Variants in RARB observed in about 807,000 individuals in gnomAD.
The protein encoded by RARB is retinoic acid receptor beta.
RARB carries 17 observed loss-of-function variants against 51.9 expected under a neutral mutation model. The observed-to-expected ratio is 0.33, with a 90% CI of 0.22 to 0.49. The LOEUF (loss-of-function observed/expected upper bound fraction) is 0.49. Ranked by LOEUF, RARB falls within the 20% of genes least tolerant of loss-of-function variation. The pLI, the probability that RARB is intolerant of heterozygous loss-of-function variation, is 0.99. For synonymous variants in RARB, 215 were observed against 195.4 expected (o/e 1.10, Z -0.84); for missense variants, 369 against 550.8 (o/e 0.67, Z 3.30).
chr3:25,521,797 A>G (rs1389596809), intron 3 of RARB, among the ~76,000 whole-genome samples: 2 of 152,152 alleles, frequency 1.3e-5, no homozygotes, highest in Admixed American at 6.5e-5. Context: ...ACATCACACA[A>G]TCTGAGACAA....
At chr3:24,903,854 C>T (rs1304908700) in intron 2 of RARB, among the ~76,000 whole-genome samples, 2 of 152,140 alleles carry the variant, frequency 1.3e-5, no homozygotes, top group Non-Finnish European at 2.9e-5. Context: ...ACAAAAACTT[C>T]ATTGCTATAA....
intron 5 of RARB, among the ~76,000 whole-genome samples, chr3:25,351,847 G>C (rs1404016206): frequency 6.6e-6 from 1 of 152,124 alleles, no homozygotes; most frequent in Non-Finnish European, 1.5e-5. Context: ...CTGGCTAAGA[G>C]TGTTCCCCAA....
chr3:25,112,967 G>C (rs949577145), intron 3 of RARB, among the ~76,000 whole-genome samples: 14 of 152,108 alleles, frequency 9.2e-5, no homozygotes, highest in African/African-American at 3.4e-4. Flanking sequence ...ATTTAGTATA[G>C]ATCTGATTTT....
intron 3 of RARB, among the ~76,000 whole-genome samples, chr3:25,085,277 A>C (rs2125314604): frequency 6.6e-6 from 1 of 152,324 alleles, no homozygotes; most frequent in South Asian, 2.1e-4. Context: ...AAATGGTAAC[A>C]CATCCTACAT....
At chr3:24,978,786 T>C (rs1228723103) in intron 2 of RARB, among the ~76,000 whole-genome samples, 1 of 152,170 alleles carries the variant, frequency 6.6e-6, no homozygotes, top group Non-Finnish European at 1.5e-5. Flanking sequence ...TTTCTTATCT[T>C]CTGCTAGCTT....
At chr3:25,405,724 G>A (rs1707388406) in intron 5 of RARB, among the ~76,000 whole-genome samples, 1 of 152,226 alleles carries the variant, frequency 6.6e-6, no homozygotes, top group Admixed American at 6.5e-5. Context: ...AGCTGCATGT[G>A]GCTAATGATG....
intron 3 of RARB, among the ~76,000 whole-genome samples, chr3:25,551,050 G>T (rs1197372128): frequency 6.6e-6 from 1 of 152,174 alleles, no homozygotes; most frequent in Admixed American, 6.5e-5. Flanking sequence ...GTTTTAAGGG[G>T]TTAAGAAGGA....
intron 5 of RARB, among the ~76,000 whole-genome samples, chr3:25,582,813 T>C (rs1213573205): frequency 2.0e-5 from 3 of 152,194 alleles, no homozygotes; most frequent in African/African-American, 4.8e-5. Flanking sequence ...CTTGGTGAAG[T>C]TATTTAACTT....
At chr3:24,907,974 C>G (rs956359992) in intron 2 of RARB, among the ~76,000 whole-genome samples, 32 of 152,090 alleles carry the variant, frequency 2.1e-4, no homozygotes, top group African/African-American at 7.7e-4. Flanking sequence ...AATTCTAAAT[C>G]TTACTGGTTA....
At chr3:25,456,055 A>G (rs1215767430) in intron 1 of RARB, among the ~76,000 whole-genome samples, 1 of 152,214 alleles carries the variant, frequency 6.6e-6, no homozygotes, top group Non-Finnish European at 1.5e-5. Flanking sequence ...TGAATGAGCT[A>G]ATACAGAACA....
At chr3:25,516,818 G>A (rs937535989) in intron 3 of RARB, among the ~76,000 whole-genome samples, 1 of 151,902 alleles carries the variant, frequency 6.6e-6, no homozygotes, top group Admixed American at 6.6e-5. Flanking sequence ...GCAGAAATAG[G>A]GTTTTGCCAT....
chr3:25,433,053 C>T (rs1251044941), intron 1 of RARB, among the ~76,000 whole-genome samples: 10 of 152,142 alleles, frequency 6.6e-5, no homozygotes, highest in African/African-American at 2.2e-4. Flanking sequence ...ATTCAGTTAA[C>T]TATCAATTAA....
At chr3:24,948,838 C>T (rs1695829337) in intron 2 of RARB, among the ~76,000 whole-genome samples, 6 of 152,180 alleles carry the variant, frequency 3.9e-5, no homozygotes, top group Admixed American at 3.9e-4. Context: ...TGCCTGCTCC[C>T]TTTTGCTTTC....
chr3:25,494,687 G>A (rs1485469564), intron 2 of RARB, among the ~76,000 whole-genome samples: 1 of 152,120 alleles, frequency 6.6e-6, no homozygotes, highest in Non-Finnish European at 1.5e-5. Context: ...AATTGGCATC[G>A]AGTGAATGTA....
intron 5 of RARB, among the ~76,000 whole-genome samples, chr3:25,248,851 T>G (rs1559330954): frequency 6.6e-6 from 1 of 152,202 alleles, no homozygotes; most frequent in East Asian, 1.9e-4. Flanking sequence ...TTCTTTATCT[T>G]GCTGTTGTTT....
At chr3:25,029,169 G>A (rs1449909270) in intron 2 of RARB, among the ~76,000 whole-genome samples, 1 of 152,180 alleles carries the variant, frequency 6.6e-6, no homozygotes, top group Non-Finnish European at 1.5e-5. Flanking sequence ...GACAAGTTCT[G>A]CATTTTAGAG....
intron 5 of RARB, among the ~76,000 whole-genome samples, chr3:25,290,074 C>A (rs1703748865): frequency 6.6e-6 from 1 of 152,100 alleles, no homozygotes; most frequent in Admixed American, 6.5e-5. Context: ...GAGAATGCTC[C>A]CCTTTTCTTT....
intron 5 of RARB, among the ~76,000 whole-genome samples, chr3:25,284,149 C>G (rs1014194637): frequency 6.6e-6 from 1 of 152,156 alleles, no homozygotes; most frequent in Non-Finnish European, 1.5e-5. Flanking sequence ...TTGGCCAACA[C>G]CAGTAGAGGA....
chr3:24,875,276 G>A (rs969784971), intron 2 of RARB, among the ~76,000 whole-genome samples: 1 of 152,112 alleles, frequency 6.6e-6, no homozygotes, highest in African/African-American at 2.4e-5. Flanking sequence ...AATCTCTGCT[G>A]TATTCAGGCT....
Sources: allele counts gnomAD v4.1 joint callset (sites outside exome capture counted in the v4.1 genomes callset), GRCh38; gene constraint gnomAD v4.1.1; transcripts MANE v1.5; gene names NCBI Gene and HGNC (gene_info 2026-07-23, HGNC 2026-07-21).